The following KRTCAP2 variants were observed in gnomAD, a reference collection of about 807,000 sequenced individuals.
The protein encoded by KRTCAP2 is keratinocyte associated protein 2, also known as dolichyl-diphosphooligosaccharide--protein glycosyltransferase subunit KCP2.
In KRTCAP2, 10 loss-of-function variants were observed where a neutral mutation model predicts 16.5. The ratio of observed to expected loss-of-function variants is 0.60; its 90% confidence interval spans 0.37 to 1.02. The LOEUF is 1.02. Among genes scored for constraint, KRTCAP2 ranks in the 50% least tolerant of loss-of-function variants. KRTCAP2 has a pLI of 0.01. For synonymous variants in KRTCAP2, 68 were observed against 69.8 expected (o/e 0.97, Z 0.13); for missense variants, 152 against 159.6 (o/e 0.95, Z 0.26).
Position 155,169,474 on chromosome 1 carries a change from GCTGGTGTGAGGA to G in KRTCAP2, c.365_376del (p.Val122_Pro125del). 1.2e-6 allele frequency: 2 copies of G among 1,614,068 alleles called. No homozygotes were observed. Among genetic ancestry groups the G allele is most frequent in the Non-Finnish European group, 1.7e-6 (2 of 1,179,958 alleles). On this transcript the variant is annotated inframe_deletion, in exon 5 of 5. Coordinates refer to ENST00000295682, the MANE Select transcript of KRTCAP2 (RefSeq NM_173852.4). ...CTTCTTGCTCTTGCCTGTGACCTTGGCTGGTGTGAGGACTGGAGCTGCTGCCTGGTACAGGGT... is the reference window on the plus strand; with the variant it reads ...CTTCTTGCTCTTGCCTGTGACCTTGGCTGGAGCTGCTGCCTGGTACAGGGT...
chr1:155,171,803 AC>A (rs1206712015), intron 3 of KRTCAP2: 2 of 815,194 alleles, frequency 2.5e-6, no homozygotes, highest in Non-Finnish European at 1.5e-6. Context: ...TTCAGTGATC[AC>A]ATCCCTGCAC....
chr1:155,171,082 T>A (rs569553776), intron 3 of KRTCAP2: 1 of 152,396 alleles, frequency 6.6e-6, no homozygotes, highest in East Asian at 1.9e-4. Context: ...AGTGCTAGGA[T>A]TACAGGCGTG....
At chr1:155,173,177 C>T (rs1665331461) in intron 1 of KRTCAP2, 44 bp downstream of exon 1, 1 of 1,530,804 alleles carries the variant, frequency 6.5e-7, no homozygotes, top group Non-Finnish European at 9.0e-7. Context: ...ACCCAAACCC[C>T]GACCCCCTCT....
intron 3 of KRTCAP2, chr1:155,170,733 C>CAGAGAAGG: frequency 6.6e-6 from 1 of 152,226 alleles, no homozygotes; most frequent in Non-Finnish European, 1.5e-5. Context: ...GCCCCACCTG[C>CAGAGAAGG]CCAGGTGGAG....
At chr1:155,173,126 A>ACCCT in intron 1 of KRTCAP2, 95 bp downstream of exon 1, 1 of 1,173,182 alleles carries the variant, frequency 8.5e-7, no homozygotes. Flanking sequence ...GGAACCCAGG[A>ACCCT]CACGTCAGCT....
rs1665187701 is a variant in KRTCAP2, at chr1:155,169,932, G to A, written c.224-75C>T. On this transcript the variant is annotated intron_variant, in intron 3 of 4. Transcript: ENST00000295682. ...AGGCATCTGCACATGGAGTCCAGGA[G>A]AAATCCGGGGCTCTCTGAATCCTGG... 3 of 968,120 alleles carry A rather than the reference G, an allele frequency of 3.1e-6. No individual in the cohort carries two copies. In the South Asian group the frequency reaches 4.2e-5, roughly 13 times the overall value. 60.0% of individuals were successfully genotyped at this position (968,120 alleles called of 1,614,324 possible).
At position 155,169,864 on chromosome 1, in the gene KRTCAP2, A is replaced by G. The variant is rs1012251720; in HGVS notation, c.224-7T>C. 6.3e-7 allele frequency: 1 copy of G among 1,578,756 alleles called. No homozygotes were observed. The highest frequency in any genetic ancestry group is 8.6e-7 in the Non-Finnish European group (1 of 1,159,660). ...AACAGGAGGCACAGGAGAACTAGGG[A>G]GGCAAGAAGAACAAGGAGGGCAACG... On this transcript the variant is annotated splice_polypyrimidine_tract_variant and splice_region_variant and intron_variant, in intron 3 of 4. Transcript: ENST00000295682.
In KRTCAP2 at chr1:155,172,618, T is replaced by C; in HGVS notation, c.170A>G (p.Asn57Ser). The change falls in exon 3 of 5, where the codon AAT becomes AGT. Residue 57 changes from asparagine to serine, a missense_variant. Coordinates refer to ENST00000295682, the MANE Select transcript of KRTCAP2 (RefSeq NM_173852.4). ...TTTGCCAAAGACAAGATTCTCCAGA[T>C]TATTGAAGGCCTGGTTGAGGGAGTT... ...LFVFSLTAFNNLENLVFGKGF... is the reference protein window; with the variant it reads ...LFVFSLTAFNSLENLVFGKGF... 6.2e-7 allele frequency: 1 copy of C among 1,614,114 alleles called. No homozygotes were observed. Among genetic ancestry groups the C allele is most frequent in the Non-Finnish European group, 8.5e-7 (1 of 1,180,014 alleles).
chr1:155,169,989 A>G, intron 3 of KRTCAP2, 132 bp from the exon 4 acceptor site: 1 of 627,766 alleles, frequency 1.6e-6, no homozygotes. Flanking sequence ...GCGTGACTAC[A>G]GCAGGAGGAT....
Position 155,169,479 on chromosome 1 carries a change from T to C in KRTCAP2, c.372A>G (p.Thr124=), listed in dbSNP as rs1665174916. Residue 124 remains threonine (T), a synonymous_variant, in exon 5 of 5, where the codon ACA becomes ACG. Transcript: ENST00000295682. Reference sequence around the variant, plus strand: ...TGCTCTTGCCTGTGACCTTGGCTGGTGTGAGGACTGGAGCTGCTGCCTGGT... The same window carrying C: ...TGCTCTTGCCTGTGACCTTGGCTGGCGTGAGGACTGGAGCTGCTGCCTGGT... ...TLYQAAAPVL[T]PAKVTGKSKK... is the part of the protein sequence containing the mutation. 2 of 1,614,106 alleles carry C rather than the reference T, an allele frequency of 1.2e-6. No homozygotes were observed. The highest frequency in any genetic ancestry group is 1.7e-6 in the Non-Finnish European group (2 of 1,179,950).
chr1:155,173,186 C>T (rs1464025413), intron 1 of KRTCAP2, 35 bp downstream of exon 1: 1 of 1,587,278 alleles, frequency 6.3e-7, no homozygotes, highest in Admixed American at 1.7e-5. Flanking sequence ...CCGACCCCCT[C>T]TAGGACTTCC....
chr1:155,171,730 C>G, intron 3 of KRTCAP2: 1 of 511,426 alleles, frequency 2.0e-6, no homozygotes, highest in Non-Finnish European at 2.5e-6. Flanking sequence ...TGGTGGCACT[C>G]ACTGGTAGTC....
rs1190633067 is a variant in KRTCAP2, at chr1:155,172,666, G to A, written c.160-38C>T. On this transcript the variant is annotated intron_variant, in intron 2 of 4. Transcript: ENST00000295682. Reference sequence around the variant, plus strand: ...GTTAAGGAGTAGGGTGTGCAACGGGGACAGAGCTGTGTGGGGAAGGGGAAG... The same window carrying A: ...GTTAAGGAGTAGGGTGTGCAACGGGAACAGAGCTGTGTGGGGAAGGGGAAG... 5 of 1,613,950 alleles carry A rather than the reference G, an allele frequency of 3.1e-6. No individual in the cohort carries two copies. In the Admixed American group the frequency reaches 6.7e-5, roughly 22 times the overall value.
At position 155,172,820 on chromosome 1, in the gene KRTCAP2, T is replaced by G. The variant is rs1344373412; in HGVS notation, c.77A>C (p.Tyr26Ser). Residue 26 changes from tyrosine (Y) to serine (S), a missense_variant, in exon 2 of 5, where the codon TAC becomes TCC. Tyr to Ser is a moderately radical substitution (Grantham distance 144, BLOSUM62 -2). Coordinates refer to ENST00000295682, the MANE Select transcript of KRTCAP2 (RefSeq NM_173852.4). ...CTCGGTGGAGGCCAGCTGACGGCTG[T>G]ACATCTGCATCCCAGCAAAGAGCAG... ...SLLLFAGMQM[Y>S]SRQLASTEWL... The G allele has an allele frequency of 6.2e-7, 1 of 1,614,012 alleles. No individual in the cohort carries two copies. The highest frequency in any genetic ancestry group is 1.1e-5 in the South Asian group (1 of 91,068).
At chr1:155,172,022 A>G (rs1211322321) in intron 3 of KRTCAP2, 2 of 990,294 alleles carry the variant, frequency 2.0e-6, no homozygotes, top group African/African-American at 3.5e-5. Flanking sequence ...AATTCTCCAT[A>G]AATAACTGAA....
chr1:155,171,820 C>G, intron 3 of KRTCAP2: 1 of 903,708 alleles, frequency 1.1e-6, no homozygotes, highest in Non-Finnish European at 1.3e-6. Flanking sequence ...TGCACTCCAG[C>G]CTAGGCGACA....
intron 1 of KRTCAP2, 33 bp from the exon 2 acceptor site, chr1:155,172,925 G>C: frequency 6.2e-7 from 1 of 1,608,290 alleles, no homozygotes; most frequent in Non-Finnish European, 8.5e-7. Flanking sequence ...CGGAGAGTCA[G>C]GCTCCGCCCT....
In KRTCAP2 at chr1:155,172,850, G is replaced by A. The variant is rs1665309143; in HGVS notation, c.47C>T (p.Ser16Phe). The A allele has an allele frequency of 6.2e-7, 1 of 1,614,122 alleles. No individual in the cohort carries two copies. Among genetic ancestry groups the A allele is most frequent in the African/African-American group, 1.3e-5 (1 of 74,952 alleles). Residue 16 changes from serine to phenylalanine, a missense_variant, in exon 2 of 5, where the codon TCC becomes TTC. Physicochemically the swap from Ser to Phe is radical, Grantham distance 155. Coordinates refer to ENST00000295682, the MANE Select transcript of KRTCAP2 (RefSeq NM_173852.4). ...GTSLALSSLL[S>F]LLLFAGMQMY... Reference sequence around the variant, plus strand: ...CTGCATCCCAGCAAAGAGCAGCAGGGACAGGAGGGAGGAGAGCGCCAGCGA... The same window carrying A: ...CTGCATCCCAGCAAAGAGCAGCAGGAACAGGAGGGAGGAGAGCGCCAGCGA...
At chr1:155,173,089 C>T in intron 1 of KRTCAP2, 132 bp downstream of exon 1, 1 of 986,098 alleles carries the variant, frequency 1.0e-6, no homozygotes, top group Non-Finnish European at 1.5e-6. Context: ...CGAACCCTCC[C>T]GTCCGGTGGA....
Sources: allele counts gnomAD v4.1 joint callset, GRCh38; gene constraint gnomAD v4.1.1; transcripts MANE v1.5; gene names NCBI Gene and HGNC (gene_info 2026-07-23, HGNC 2026-07-21).